Variants in STARD8 observed in about 807,000 individuals in gnomAD.
STARD8 encodes the protein StAR related lipid transfer domain containing 8.
Under a neutral mutation model 69.4 loss-of-function variants are expected in STARD8, and 25 were observed. The observed-to-expected ratio is 0.36, with a 90% CI of 0.26 to 0.50. The LOEUF is 0.50. STARD8 is among the 20% of genes least tolerant of loss of function. STARD8 has a pLI of 0.96. For synonymous variants in STARD8, 389 were observed against 374.6 expected (o/e 1.04, Z -0.45); for missense variants, 921 against 932.5 (o/e 0.99, Z 0.16).
At chrX:68,701,930 G>A (rs2079969479) in intron 2 of STARD8, among the ~76,000 whole-genome samples, 1 of 111,925 alleles carries the variant, frequency 8.9e-6, no homozygotes, top group African/African-American at 3.3e-5. Flanking sequence ...TTGGGTGGGA[G>A]GAGGTTGTCC....
At chrX:68,715,072 T>A (rs748852849) in intron 3 of STARD8, among the ~76,000 whole-genome samples, 4 of 110,857 alleles carry the variant, frequency 3.6e-5, no homozygotes, top group Non-Finnish European at 7.5e-5. Context: ...CCTTACTGAC[T>A]GACAGAGTTC....
chrX:68,690,306 T>C (rs1182524302), intron 2 of STARD8, among the ~76,000 whole-genome samples: 2 of 111,371 alleles, frequency 1.8e-5, no homozygotes, highest in Non-Finnish European at 3.8e-5. Context: ...GCGGTTTCTT[T>C]AGCTCCTATG....
chrX:68,681,244 C>T (rs2079798822), intron 2 of STARD8, among the ~76,000 whole-genome samples: 1 of 111,512 alleles, frequency 9.0e-6, no homozygotes, highest in South Asian at 3.8e-4. Flanking sequence ...GACTGGGGGG[C>T]CTTCTGATGG....
chrX:68,678,372 G>A (rs1418482237), intron 2 of STARD8, among the ~76,000 whole-genome samples: 1 of 111,764 alleles, frequency 8.9e-6, no homozygotes, highest in Non-Finnish European at 1.9e-5. Context: ...GAGTAAAAAG[G>A]GAAGGAGGAA....
intron 2 of STARD8, among the ~76,000 whole-genome samples, chrX:68,669,243 A>T (rs779816397): frequency 2.6e-4 from 29 of 112,173 alleles, no homozygotes; most frequent in Admixed American, 9.5e-5. Flanking sequence ...TAAGTGCTGA[A>T]GTGAGAATAC....
intron 6 of STARD8, among the ~76,000 whole-genome samples, 184 bp from the exon 7 acceptor site, chrX:68,719,039 GGC>G (rs907443643): frequency 1.3e-4 from 14 of 110,815 alleles, no homozygotes; most frequent in African/African-American, 4.3e-4. Context: ...AGAACTTCTT[GGC>G]CCCTAAGAAG....
At chrX:68,714,197 G>T (rs2080074232) in intron 3 of STARD8, among the ~76,000 whole-genome samples, 1 of 111,810 alleles carries the variant, frequency 8.9e-6, no homozygotes, top group African/African-American at 3.3e-5. Flanking sequence ...TGTCACTCCT[G>T]CTCCAAACCC....
At chrX:68,700,713 C>T (rs1437393586) in intron 2 of STARD8, among the ~76,000 whole-genome samples, 3 of 111,875 alleles carry the variant, frequency 2.7e-5, no homozygotes, top group African/African-American at 9.8e-5. Flanking sequence ...AGTGCCCACA[C>T]CAGCAGGGCC....
Position 68,692,326 on chromosome X carries a change from G to A in STARD8, c.80-20588G>A, listed in dbSNP as rs370058613. On this transcript the variant is annotated intron_variant, in intron 2 of 14. Transcript: ENST00000374599. ...ACATGGGACACACAGTGGTGGTAGTGTCACTTTATCATTGCTCCTCTGACT... is the reference window on the plus strand; with the variant it reads ...ACATGGGACACACAGTGGTGGTAGTATCACTTTATCATTGCTCCTCTGACT... Among the ~76,000 whole-genome samples the A allele has an allele frequency of 2.3e-4, 26 of 112,095 alleles. No homozygotes were observed. The East Asian group carries it at 7.0e-3, about 30-fold the overall frequency.
At chrX:68,705,181 C>A (rs148115844) in intron 2 of STARD8, among the ~76,000 whole-genome samples, 17 of 112,637 alleles carry the variant, frequency 1.5e-4, no homozygotes, top group Middle Eastern at 4.6e-3. Context: ...AATGGAGCAA[C>A]TGCAGCAGAG....
At chrX:68,709,714 T>TA (rs1438288798) in intron 2 of STARD8, among the ~76,000 whole-genome samples, 2 of 110,320 alleles carry the variant, frequency 1.8e-5, no homozygotes, top group African/African-American at 6.6e-5. Flanking sequence ...TCCTAGCTAC[T>TA]CAGGAGGCTG....
chrX:68,712,846 A>C, intron 2 of STARD8, 68 bp from the exon 3 acceptor site: 23 of 1,021,218 alleles, frequency 2.3e-5, no homozygotes, highest in Non-Finnish European at 2.7e-5. Flanking sequence ...GCATGCACCT[A>C]GGGCCCTGGT....
At position 68,722,628 on chromosome X, in the gene STARD8, G is replaced by A. The variant is rs1332906626; in HGVS notation, c.2781G>A (p.Thr927=). 5 of 1,211,640 alleles carry A rather than the reference G, an allele frequency of 4.1e-6. No individual in the cohort carries two copies. Among genetic ancestry groups the A allele is most frequent in the East Asian group, 3.0e-5 (1 of 33,840 alleles). ...GWMSVPGPQH[T]ELACRKAPDG... is the part of the protein sequence containing the mutation. ...TGAGCGTGCCAGGGCCCCAGCACAC[G>A]GAGCTGGCTTGCAGGAAGGTGAGTG... Residue 927 remains threonine (T), a synonymous_variant, in exon 12 of 15, where the codon ACG becomes ACA. Transcript: ENST00000374599.
chrX:68,648,734 AGT>A (rs1218947908), intron 1 of STARD8, among the ~76,000 whole-genome samples: 2 of 112,335 alleles, frequency 1.8e-5, no homozygotes, highest in African/African-American at 6.5e-5. Context: ...ATATTTGTTG[AGT>A]GTCTACTATA....
At chrX:68,698,080 T>C (rs2079935971) in intron 2 of STARD8, among the ~76,000 whole-genome samples, 1 of 111,572 alleles carries the variant, frequency 9.0e-6, no homozygotes, top group African/African-American at 3.3e-5. Flanking sequence ...ACCCTCACCT[T>C]CCCCCAAGGG....
At chrX:68,654,481 G>A (rs934401255) in intron 1 of STARD8, among the ~76,000 whole-genome samples, 4 of 111,550 alleles carry the variant, frequency 3.6e-5, no homozygotes, top group East Asian at 5.7e-4. Context: ...CCTCCCAGTC[G>A]TGGGCCAACA....
chrX:68,661,970 CTCTTTCTTTCTTTCTTTCTTTCTTTCTT>C (rs1169605331), intron 1 of STARD8, among the ~76,000 whole-genome samples: 3 of 56,003 alleles, frequency 5.4e-5, no homozygotes, highest in African/African-American at 9.1e-5. Context: ...CTCTCTCTCT[CTCTTTCTTTCTTTCTTTCTTTCTTTCTT>C]TCTTTCTTTC....
At chrX:68,697,885 A>C (rs2079934075) in intron 2 of STARD8, among the ~76,000 whole-genome samples, 1 of 112,342 alleles carries the variant, frequency 8.9e-6, no homozygotes, top group South Asian at 3.7e-4. Context: ...GTTCTCCCTG[A>C]CTGCAGGCTC....
rs201005000 is a variant in STARD8 at position 68,723,804 on chromosome X, G to C, written c.2978G>C (p.Ser993Thr). 2.5e-6 allele frequency: 3 copies of C among 1,183,159 alleles called. No individual in the cohort carries two copies. Among genetic ancestry groups the C allele is most frequent in the Non-Finnish European group, 3.4e-6 (3 of 881,689 alleles). ...GVELYHYVTD[S>T]MAPHPCRDFV... ...GAGCTGTACCACTATGTCACCGACA[G>C]CATGGCACCCCATCCCTGCCGCGAC... The change falls in exon 13 of 15, where the codon AGC (serine) becomes ACC (threonine). Residue 993 changes from serine (S) to threonine (T), a missense_variant. Ser to Thr is a moderately conservative substitution (Grantham distance 58). Coordinates refer to ENST00000374599, the MANE Select transcript of STARD8 (RefSeq NM_001142503.3).
Sources: gnomAD v4.1 joint callset for allele counts (sites outside exome capture counted in the v4.1 genomes callset) on GRCh38, gnomAD v4.1.1 for gene constraint, MANE v1.5 for transcripts, NCBI Gene and HGNC (gene_info 2026-07-23, HGNC 2026-07-21) for gene names.